KRABD1: variants seen among roughly 807,000 people sequenced by gnomAD.
KRABD1 encodes the protein KRAB domain-containing protein 1.
the KRABD1 span, chr3:42,937,064 GTGTGTCCAGTGT>G: frequency 2.6e-5 from 4 of 152,212 alleles, no homozygotes; most frequent in African/African-American, 9.7e-5. Flanking sequence ...TGCACCTAAT[GTGTGTCCAGTGT>G]TTAACATAGT....
chr3:42,941,327 G>C, the KRABD1 span: 2 of 1,599,608 alleles, frequency 1.3e-6, no homozygotes, highest in Non-Finnish European at 1.7e-6. Context: ...TGATGCTGGA[G>C]AACTATGAGG....
the KRABD1 span, chr3:42,938,828 T>C: frequency 8.8e-7 from 1 of 1,134,872 alleles, no homozygotes; most frequent in Non-Finnish European, 1.3e-6. Context: ...TTATCGTTAA[T>C]GTTTTTTTTC....
At chr3:42,937,041 A>T in the KRABD1 span, 15 of 152,330 alleles carry the variant, frequency 9.8e-5, no homozygotes, top group African/African-American at 3.4e-4. Context: ...AAAAAGACTG[A>T]TCGTATCCGT....
At chr3:42,940,280 A>G in the KRABD1 span, among the ~76,000 whole-genome samples, 1 of 152,182 alleles carries the variant, frequency 6.6e-6, no homozygotes, top group Non-Finnish European at 1.5e-5. Flanking sequence ...CATTTGGTGA[A>G]CATATATGTC....
chr3:42,936,478 G>A, the KRABD1 span: 1 of 152,290 alleles, frequency 6.6e-6, no homozygotes, highest in Non-Finnish European at 1.5e-5. Context: ...GAGGAGGACG[G>A]GAAACAGCCC....
chr3:42,939,013 T>A, the KRABD1 span: 3 of 1,001,298 alleles, frequency 3.0e-6, no homozygotes, highest in African/African-American at 4.8e-5. Context: ...TAAAAATATC[T>A]ATATTACACA....
the KRABD1 span, among the ~76,000 whole-genome samples, chr3:42,939,207 C>T: frequency 2.0e-5 from 3 of 152,164 alleles, no homozygotes; most frequent in South Asian, 2.1e-4. Context: ...AAGGCCCCTT[C>T]ATACTGCCTC....
At chr3:42,939,683 G>A in the KRABD1 span, among the ~76,000 whole-genome samples, 3 of 152,004 alleles carry the variant, frequency 2.0e-5, no homozygotes, top group African/African-American at 7.2e-5. Flanking sequence ...TCTGTCAGCC[G>A]TGTACAGTTG....
the KRABD1 span, chr3:42,942,081 G>A: frequency 6.6e-7 from 1 of 1,508,768 alleles, no homozygotes; most frequent in South Asian, 1.2e-5. Context: ...GGTGAGTTAA[G>A]CAAGAGGGTT....
the KRABD1 span, chr3:42,937,151 C>A: frequency 6.6e-6 from 1 of 152,106 alleles, no homozygotes; most frequent in Non-Finnish European, 1.5e-5. Flanking sequence ...TCATTATATT[C>A]TTTTCTTTAG....
chr3:42,936,613 C>G, the KRABD1 span: 2 of 152,358 alleles, frequency 1.3e-5, no homozygotes, highest in East Asian at 1.9e-4. Context: ...CTCCCACCCC[C>G]CTCGTTTCCC....
chr3:42,942,033 G>T, the KRABD1 span: 3 of 1,535,932 alleles, frequency 2.0e-6, no homozygotes, highest in Non-Finnish European at 2.6e-6. Context: ...CAGCCACAGG[G>T]AGTCCTAAGC....
At chr3:42,940,105 T>C in the KRABD1 span, among the ~76,000 whole-genome samples, 1 of 152,188 alleles carries the variant, frequency 6.6e-6, no homozygotes, top group Non-Finnish European at 1.5e-5. Context: ...TCTAGAAGAT[T>C]TATTGTTTTA....
the KRABD1 span, among the ~76,000 whole-genome samples, chr3:42,939,871 CT>C: frequency 6.6e-5 from 10 of 151,988 alleles, no homozygotes; most frequent in African/African-American, 7.3e-5. Context: ...TACACTGTAC[CT>C]TTTTTTCTCC....
the KRABD1 span, chr3:42,938,929 C>T: frequency 1.7e-5 from 26 of 1,531,374 alleles, no homozygotes; most frequent in Non-Finnish European, 2.3e-5. Flanking sequence ...AACCAGGCCC[C>T]AGGTGAGCTG....
At chr3:42,942,766 T>A in the KRABD1 span, 3 of 389,190 alleles carry the variant, frequency 7.7e-6, no homozygotes, top group Non-Finnish European at 1.4e-5. Flanking sequence ...TTTTCATTCA[T>A]TAAAATAACT....
the KRABD1 span, among the ~76,000 whole-genome samples, chr3:42,941,032 G>A: frequency 5.9e-5 from 9 of 152,294 alleles, no homozygotes; most frequent in East Asian, 9.7e-4. Context: ...AAAATATGCT[G>A]AACTCTGACT....
chr3:42,938,617 G>T, the KRABD1 span: 1 of 330,876 alleles, frequency 3.0e-6, no homozygotes, highest in Non-Finnish European at 5.8e-6. Context: ...CTATGGATTA[G>T]CTGAAATTAT....
chr3:42,936,858 G>A, the KRABD1 span: 3 of 152,104 alleles, frequency 2.0e-5, no homozygotes, highest in Non-Finnish European at 2.9e-5. Flanking sequence ...ATCAGTTGGT[G>A]ATCAGTTATT....
Sources: gnomAD v4.1 joint callset for allele counts (sites outside exome capture counted in the v4.1 genomes callset) on GRCh38, gnomAD v4.1.1 for gene constraint, MANE v1.5 for transcripts, NCBI Gene and HGNC (gene_info 2026-07-23, HGNC 2026-07-21) for gene names.